Variants in C14orf39 observed in about 807,000 individuals in gnomAD.
The protein encoded by C14orf39 is chromosome 14 open reading frame 39.
A neutral mutation model predicts 85.6 loss-of-function variants in C14orf39; 66 were observed. The ratio of observed to expected loss-of-function variants is 0.77; its 90% CI spans 0.63 to 0.95. The LOEUF is 0.95. C14orf39 is among the 40% of genes least tolerant of loss of function. C14orf39 has a pLI of 0.00. For missense variants in C14orf39, 735 were observed against 663.9 expected (o/e 1.11, Z -1.18); for synonymous variants, 242 against 214.0 (o/e 1.13, Z -1.14).
At chr14:60,447,601 G>A (rs1890832007) in intron 16 of C14orf39, among the ~76,000 whole-genome samples, 1 of 152,136 alleles carries the variant, frequency 6.6e-6, no homozygotes, top group Non-Finnish European at 1.5e-5. Context: ...TCAATATCGT[G>A]AAAATGGCCA....
At chr14:60,443,917 G>C (rs969768872) in intron 16 of C14orf39, among the ~76,000 whole-genome samples, 1 of 152,202 alleles carries the variant, frequency 6.6e-6, no homozygotes, top group African/African-American at 2.4e-5. Context: ...GTCTGGAGTG[G>C]ATCTCCAGCA....
intron 5 of C14orf39, 25 bp downstream of exon 5, chr14:60,478,275 G>A: frequency 8.7e-7 from 1 of 1,152,098 alleles, no homozygotes; most frequent in Non-Finnish European, 1.2e-6. Flanking sequence ...TTATAGAATT[G>A]ATAAACTTCA....
chr14:60,482,567 C>A (rs771006786), intron 4 of C14orf39, among the ~76,000 whole-genome samples: 4 of 152,074 alleles, frequency 2.6e-5, no homozygotes, highest in Non-Finnish European at 5.9e-5. Context: ...TTGGTATTAT[C>A]GACCCAATGT....
Position 60,511,148 on chromosome 14 carries a change from C to T in C14orf39, c.-144+4247G>A, listed in dbSNP as rs201560655. ...ACTACGGGCGGAGGGCGACGGCACG[C>T]CAGAGGTGCTGGGCGTCGCCACCAG... On this transcript the variant is annotated intron_variant, in intron 1 of 5. Coordinates refer to the C14orf39 transcript ENST00000556799. 3.2e-4 allele frequency: 520 copies of T among 1,612,918 alleles called. 6 individuals carry two copies. The East Asian group carries it at 0.01, about 32-fold the overall frequency.
chr14:60,463,492 G>A (rs559424707), intron 11 of C14orf39, among the ~76,000 whole-genome samples: 4 of 151,752 alleles, frequency 2.6e-5, no homozygotes, highest in African/African-American at 4.8e-5. Context: ...CAAATGTTTC[G>A]GGTGATGGAA....
chr14:60,496,251 C>A, intron 2 of C14orf39: 1 of 400,536 alleles, frequency 2.5e-6, no homozygotes, highest in Non-Finnish European at 5.1e-6. Flanking sequence ...GTAGCTGCTG[C>A]AGAAACAGGA....
chr14:60,455,114 G>C lies in C14orf39; in HGVS notation c.1390C>G (p.Gln464Glu), dbSNP rs748166140. Reference sequence around the variant, plus strand: ...AGTCCAGGGGATTCCTTTTCTGTTTGAACTTCAGGTACTGCATTTCTATTT... The same window carrying C: ...AGTCCAGGGGATTCCTTTTCTGTTTCAACTTCAGGTACTGCATTTCTATTT... ...NRNRNAVPEV[Q>E]TEKESPGLSF... Residue 464 changes from glutamine to glutamate, a missense_variant, in exon 16 of 18, where the codon CAA becomes GAA. By Grantham distance (29) the Gln-to-Glu change is conservative (BLOSUM62 2). Transcript: ENST00000321731. The C allele has an allele frequency of 1.9e-6, 3 of 1,565,888 alleles. No homozygotes were observed. The highest frequency in any genetic ancestry group is 1.4e-5 in the African/African-American group (1 of 71,216).
At chr14:60,454,445 C>A (rs947211143) in intron 16 of C14orf39, among the ~76,000 whole-genome samples, 12 of 151,950 alleles carry the variant, frequency 7.9e-5, no homozygotes, top group Admixed American at 1.3e-4. Flanking sequence ...CTGGTACACA[C>A]CTAAGTAGTC....
chr14:60,455,225 T>A (rs576282652), intron 15 of C14orf39, 80 bp from the exon 16 acceptor site: 1 of 1,002,872 alleles, frequency 1.0e-6, no homozygotes. Flanking sequence ...AGCAACAGCA[T>A]AGAGGTGAGA....
rs142457650 is a variant in C14orf39, at chr14:60,461,779, T to C, written c.973-186A>G. Among the ~76,000 whole-genome samples the C allele has an allele frequency of 5.1e-3, 772 of 152,260 alleles. 8 individuals are homozygous for C. Among genetic ancestry groups the C allele is most frequent in the Non-Finnish European group, 7.0e-3 (478 of 67,996 alleles). ...TACATACAAAACATTAAGTTGAATA[T>C]TGAGAAACAAAAAAGTTTAAGAAAT... On this transcript the variant is annotated intron_variant, in intron 11 of 17. Coordinates refer to ENST00000321731, the MANE Select transcript of C14orf39 (RefSeq NM_174978.3).
Position 60,509,503 on chromosome 14 carries a change from G to A in C14orf39, c.-144+5892C>T. 6.2e-7 allele frequency: 1 copy of A among 1,604,210 alleles called. No homozygotes were observed. The highest frequency in any genetic ancestry group is 8.5e-7 in the Non-Finnish European group (1 of 1,179,972). On this transcript the variant is annotated intron_variant, in intron 1 of 5. Transcript: ENST00000556799. Reference sequence around the variant, plus strand: ...TGGAGCGCCTGGGTCGCTTCCTCTGGTCGCTGCCCGTGGCCCCTGCGGCCT... The same window carrying A: ...TGGAGCGCCTGGGTCGCTTCCTCTGATCGCTGCCCGTGGCCCCTGCGGCCT...
Position 60,458,736 on chromosome 14 carries a change from G to A in C14orf39, c.1121C>T (p.Ala374Val). 1 of 1,595,464 alleles carries A rather than the reference G, an allele frequency of 6.3e-7. No homozygotes were observed. Among genetic ancestry groups the A allele is most frequent in the Non-Finnish European group, 8.5e-7 (1 of 1,169,794 alleles). The change falls in exon 14 of 18, where the codon GCT becomes GTT. Residue 374 changes from alanine to valine, a missense_variant. Transcript: ENST00000321731. ...TACTGTCCCTTTATCTCCATACTCA[G>A]CATCTGTTGTCATATGAGAACAAAC... ...NQWSEKGDKD[A>V]EYGDKGTVRQ...
intron 1 of C14orf39, chr14:60,511,439 T>C: frequency 8.7e-6 from 6 of 688,612 alleles, no homozygotes; most frequent in Non-Finnish European, 1.5e-5. Context: ...TGGCGCCCTT[T>C]GGCCGCGACC....
chr14:60,442,445 T>C (rs1257836689), intron 16 of C14orf39, among the ~76,000 whole-genome samples: 1 of 152,184 alleles, frequency 6.6e-6, no homozygotes, highest in Non-Finnish European at 1.5e-5. Flanking sequence ...TGGTATTTTT[T>C]TTGCCTATAA....
In C14orf39 at chr14:60,457,106, A is replaced by C. The variant is rs747731842; in HGVS notation, c.1180-11T>G. 12 of 1,511,858 alleles carry C rather than the reference A, an allele frequency of 7.9e-6. No homozygotes were observed. The Admixed American group carries it at 1.8e-4, about 23-fold the overall frequency. The allele number at this position is 1,511,858 out of a possible 1,614,324, so 93.7% of individuals were successfully genotyped here. A position where few individuals can be genotyped will look rare whatever the true frequency, so the allele number is the denominator to read the frequency against. On this transcript the variant is annotated splice_polypyrimidine_tract_variant and intron_variant, in intron 14 of 17. Transcript: ENST00000321731. ...TTCAGTATATATAGCCTGCAAATTCAAAGTAACAGAAAACTATAAAACAAA... is the reference window on the plus strand; with the variant it reads ...TTCAGTATATATAGCCTGCAAATTCCAAGTAACAGAAAACTATAAAACAAA...
intron 11 of C14orf39, among the ~76,000 whole-genome samples, chr14:60,461,948 C>T (rs1207949582): frequency 6.6e-6 from 1 of 152,070 alleles, no homozygotes; most frequent in Non-Finnish European, 1.5e-5. Flanking sequence ...TTCTGTGTCC[C>T]TCCATTCTCT....
Position 60,465,977 on chromosome 14 carries a change from A to C in C14orf39, c.972+2T>G. 1 of 1,526,960 alleles carries C rather than the reference A, an allele frequency of 6.5e-7. No homozygotes were observed. Among genetic ancestry groups the C allele is most frequent in the East Asian group, 2.4e-5 (1 of 42,088 alleles). The allele number at this position is 1,526,960 out of a possible 1,614,324, so 94.6% of individuals were successfully genotyped here. A position where few individuals can be genotyped will look rare whatever the true frequency, so the allele number is the denominator to read the frequency against. On this transcript the variant is annotated splice_donor_variant, in intron 11 of 17. Coordinates refer to ENST00000321731, the MANE Select transcript of C14orf39 (RefSeq NM_174978.3). LOFTEE classifies it high-confidence loss of function. ...TTATACTACTAAAAGTGAGACACCTACCTGTGTATCATTTTCTTTTTGTCT... is the reference window on the plus strand; with the variant it reads ...TTATACTACTAAAAGTGAGACACCTCCCTGTGTATCATTTTCTTTTTGTCT...
intron 16 of C14orf39, among the ~76,000 whole-genome samples, chr14:60,444,594 G>A (rs1180467967): frequency 5.3e-5 from 8 of 152,284 alleles, no homozygotes; most frequent in East Asian, 3.9e-4. Context: ...TGAAAGTGAC[G>A]GGGAGAATGG....
intron 1 of C14orf39, chr14:60,511,323 G>A: frequency 7.6e-7 from 1 of 1,323,484 alleles, no homozygotes; most frequent in Non-Finnish European, 1.1e-6. Flanking sequence ...AAGAGGGGAA[G>A]AAGATGAGAG....
Sources: allele counts gnomAD v4.1 joint callset (sites outside exome capture counted in the v4.1 genomes callset), GRCh38; gene constraint gnomAD v4.1.1; transcripts MANE v1.5; gene names NCBI Gene and HGNC (gene_info 2026-07-23, HGNC 2026-07-21).